Variants in PGM5 observed in about 807,000 individuals in gnomAD.
PGM5 encodes phosphoglucomutase 5.
PGM5 carries 23 observed loss-of-function variants against 59.2 expected under a neutral mutation model. That is an observed-to-expected ratio of 0.39 (90% confidence interval 0.28 to 0.55). The LOEUF is 0.55. PGM5 is among the 20% of genes least tolerant of loss of function. The probability of loss-of-function intolerance (pLI) is 0.66; values close to 1 mark genes in which losing one functional copy is unlikely to be tolerated. For missense variants in PGM5, 574 were observed against 748.3 expected, an observed-to-expected ratio of 0.77 and a Z score of 2.72; for synonymous variants, 214 against 286.0, an observed-to-expected ratio of 0.75 and a Z score of 2.54.
intron 1 of PGM5, among the ~76,000 whole-genome samples, chr9:68,376,789 CTTTCTTTCTTTCTT>C (rs1821904190): frequency 9.6e-6 from 1 of 103,638 alleles, no homozygotes; most frequent in South Asian, 3.1e-4. Flanking sequence ...TTCTTTCTTT[CTTTCTTTCTTTCTT>C]TCTTTCTTTC....
intron 6 of PGM5, among the ~76,000 whole-genome samples, chr9:68,446,783 A>G (rs187347073): frequency 6.6e-6 from 1 of 152,278 alleles, no homozygotes; most frequent in East Asian, 1.9e-4. Flanking sequence ...AAGAAACTCA[A>G]CTCATCAAGT....
chr9:68,415,413 C>T (rs1823007921), intron 6 of PGM5, among the ~76,000 whole-genome samples: 1 of 147,796 alleles, frequency 6.8e-6, no homozygotes, highest in Non-Finnish European at 1.5e-5. Context: ...GGAAGAGCCT[C>T]AGGGCTGACA....
At chr9:68,386,382 A>G (rs1330629981) in intron 3 of PGM5, among the ~76,000 whole-genome samples, 6 of 152,190 alleles carry the variant, frequency 3.9e-5, no homozygotes, top group African/African-American at 1.4e-4. Flanking sequence ...CATGTTACAA[A>G]TATAATTATA....
intron 6 of PGM5, among the ~76,000 whole-genome samples, chr9:68,450,450 A>G (rs1426664359): frequency 1.3e-5 from 2 of 152,166 alleles, no homozygotes; most frequent in African/African-American, 4.8e-5. Flanking sequence ...TGAATGATCA[A>G]GTACCTCCAG....
At chr9:68,400,963 G>A (rs1245194943) in intron 6 of PGM5, among the ~76,000 whole-genome samples, 4 of 152,204 alleles carry the variant, frequency 2.6e-5, no homozygotes, top group Admixed American at 2.0e-4. Flanking sequence ...AGACGCATAA[G>A]GTGGCCTTCC....
chr9:68,438,915 C>T (rs1306186441), intron 6 of PGM5, among the ~76,000 whole-genome samples: 2 of 151,946 alleles, frequency 1.3e-5, no homozygotes, highest in Non-Finnish European at 2.9e-5. Context: ...TGCCATAGCT[C>T]CCAAACAATC....
At chr9:68,482,940 A>G (rs2132092211) in intron 8 of PGM5, among the ~76,000 whole-genome samples, 1 of 152,308 alleles carries the variant, frequency 6.6e-6, no homozygotes, top group African/African-American at 2.4e-5. Flanking sequence ...TTCCAGCCCC[A>G]TTGTTACATT....
At chr9:68,517,500 G>A (rs1254898124) in intron 10 of PGM5, among the ~76,000 whole-genome samples, 1 of 152,132 alleles carries the variant, frequency 6.6e-6, no homozygotes, top group Non-Finnish European at 1.5e-5. Context: ...TTCAGTGGTA[G>A]CAAATTCAGT....
chr9:68,460,815 CATA>C (rs1456897958), intron 6 of PGM5, among the ~76,000 whole-genome samples: 5 of 152,142 alleles, frequency 3.3e-5, no homozygotes, highest in African/African-American at 1.2e-4. Context: ...GCCATGAAGA[CATA>C]CAAGATGCAA....
At chr9:68,366,247 A>T (rs1554676666) in intron 1 of PGM5, among the ~76,000 whole-genome samples, 1 of 151,986 alleles carries the variant, frequency 6.6e-6, no homozygotes, top group African/African-American at 2.4e-5. Flanking sequence ...ATCTATGTAC[A>T]AGGGTACTCA....
intron 10 of PGM5, among the ~76,000 whole-genome samples, chr9:68,522,000 A>G (rs1824906041): frequency 6.6e-6 from 1 of 152,188 alleles, no homozygotes; most frequent in South Asian, 2.1e-4. Flanking sequence ...CACACCTGTA[A>G]TCCCAGCACT....
At chr9:68,479,612 T>G in intron 8 of PGM5, 59 bp downstream of exon 8, 1 of 1,551,890 alleles carries the variant, frequency 6.4e-7, no homozygotes, top group Non-Finnish European at 8.8e-7. Flanking sequence ...TAGAACAGGT[T>G]TCTAAAACTG....
At chr9:68,438,444 C>G (rs908244978) in intron 6 of PGM5, among the ~76,000 whole-genome samples, 1 of 152,148 alleles carries the variant, frequency 6.6e-6, no homozygotes, top group East Asian at 1.9e-4. Flanking sequence ...CTCCCACTTC[C>G]CAGCTCCCCT....
intron 1 of PGM5, among the ~76,000 whole-genome samples, chr9:68,370,828 G>A (rs3748912): frequency 0.3 from 45,742 of 150,524 alleles, 6,783 homozygotes; most frequent in Admixed American, 0.36. Flanking sequence ...CTTAAGTAAC[G>A]GCATCATGGG....
At chr9:68,364,035 GT>G (rs1554676477) in intron 1 of PGM5, among the ~76,000 whole-genome samples, 2 of 152,254 alleles carry the variant, frequency 1.3e-5, no homozygotes, top group African/African-American at 4.8e-5. Flanking sequence ...ACAACTTACA[GT>G]TTTGTTGCAA....
Position 68,507,052 on chromosome 9 carries a change from G to A in PGM5, c.1614+7691G>A, listed in dbSNP as rs141571899. Among the ~76,000 whole-genome samples the A allele has an allele frequency of 2.6e-3, 391 of 152,214 alleles. 1 individual carries two copies. Among genetic ancestry groups the A allele is most frequent in the African/African-American group, 9.0e-3 (372 of 41,524 alleles). ...GTTGTTATTTAAAAAGAAAACCTGA[G>A]CAAGGATATATTAATAGCCATATAT... On this transcript the variant is annotated intron_variant, in intron 10 of 10. Coordinates refer to ENST00000396396, the MANE Select transcript of PGM5 (RefSeq NM_021965.4).
chr9:68,380,656 G>C (rs1377161496), intron 2 of PGM5, among the ~76,000 whole-genome samples: 1 of 151,700 alleles, frequency 6.6e-6, no homozygotes, highest in Non-Finnish European at 1.5e-5. Context: ...AAAATCAAAA[G>C]TTGGTTCTTT....
intron 6 of PGM5, among the ~76,000 whole-genome samples, chr9:68,416,691 T>C (rs545408683): frequency 2.0e-5 from 3 of 152,212 alleles, no homozygotes; most frequent in Non-Finnish European, 4.4e-5. Flanking sequence ...TTATAAAAAG[T>C]AGGTAATGAG....
intron 7 of PGM5, among the ~76,000 whole-genome samples, chr9:68,477,460 C>G: frequency 6.6e-6 from 1 of 152,166 alleles, no homozygotes; most frequent in East Asian, 1.9e-4. Flanking sequence ...GGTTAAACAG[C>G]TCTGTGGCGT....
Sources: gnomAD v4.1 joint callset for allele counts (sites outside exome capture counted in the v4.1 genomes callset) on GRCh38, gnomAD v4.1.1 for gene constraint, MANE v1.5 for transcripts, NCBI Gene and HGNC (gene_info 2026-07-23, HGNC 2026-07-21) for gene names.